Variants in SGCG observed in about 807,000 individuals in gnomAD.
The protein encoded by SGCG is gamma-sarcoglycan.
Under a neutral mutation model 29.3 loss-of-function variants are expected in SGCG, and 26 were observed. That is an observed-to-expected ratio of 0.89 (90% CI 0.65 to 1.23). The LOEUF (loss-of-function observed/expected upper bound fraction) is 1.23. Among genes scored for constraint, SGCG ranks in the 50% most tolerant of loss-of-function variants. SGCG has a pLI of 0.00. For synonymous variants in SGCG, 145 were observed against 129.7 expected, an observed-to-expected ratio of 1.12 and a Z score of -0.80; for missense variants, 353 against 356.0, an observed-to-expected ratio of 0.99 and a Z score of 0.07.
chr13:23,162,423 G>C, the SGCG span, among the ~76,000 whole-genome samples: 2 of 152,148 alleles, frequency 1.3e-5, no homozygotes, highest in African/African-American at 4.8e-5. Flanking sequence ...GACCATCCTG[G>C]CTCCTGGCTA....
At chr13:23,213,467 G>C (rs1197751085) in intron 2 of SGCG, among the ~76,000 whole-genome samples, 1 of 152,140 alleles carries the variant, frequency 6.6e-6, no homozygotes, top group Admixed American at 6.5e-5. Context: ...GGGTGACAGA[G>C]TGAGACTCCG....
rs753317637 is a variant in SGCG at position 23,216,264 on chromosome 13, G to A, written c.195+12375G>A. Reference sequence around the variant, plus strand: ...TACGGGTGTATCTATTTATGTCAGAGGAATTCAGGGGCCAATAGAACACTA... The same window carrying A: ...TACGGGTGTATCTATTTATGTCAGAAGAATTCAGGGGCCAATAGAACACTA... On this transcript the variant is annotated intron_variant, in intron 2 of 7. Transcript: ENST00000218867. Among the ~76,000 whole-genome samples, 4 of 152,190 alleles carry A rather than the reference G, an allele frequency of 2.6e-5. No homozygotes were observed. The South Asian group carries it at 8.3e-4, about 32-fold the overall frequency.
At chr13:23,277,989 C>T (rs564415351) in intron 4 of SGCG, among the ~76,000 whole-genome samples, 13 of 152,038 alleles carry the variant, frequency 8.6e-5, no homozygotes, top group African/African-American at 1.2e-4. Flanking sequence ...TGAGCCACCG[C>T]GCCCAGCCTA....
intron 6 of SGCG, among the ~76,000 whole-genome samples, chr13:23,295,712 C>T (rs903820739): frequency 3.9e-5 from 6 of 152,188 alleles, no homozygotes; most frequent in African/African-American, 1.4e-4. Flanking sequence ...CCTCCTCCTT[C>T]CTCCTCCTTC....
chr13:23,186,757 G>C (rs566773183), intron 1 of SGCG, among the ~76,000 whole-genome samples: 1 of 152,272 alleles, frequency 6.6e-6, no homozygotes, highest in East Asian at 1.9e-4. Context: ...AAGAACAGGG[G>C]ATCCCGGGCT....
chr13:23,291,882 A>C (rs1158246284), intron 5 of SGCG, among the ~76,000 whole-genome samples: 1 of 152,176 alleles, frequency 6.6e-6, no homozygotes, highest in African/African-American at 2.4e-5. Context: ...GGGGCTGGGG[A>C]AAAAGCACTC....
chr13:23,200,337 C>T (rs1320938694), intron 1 of SGCG, among the ~76,000 whole-genome samples: 1 of 142,524 alleles, frequency 7.0e-6, no homozygotes, highest in African/African-American at 2.5e-5. Context: ...GCAGGAGACT[C>T]ACTTGAAACC....
At chr13:23,197,296 G>A (rs3794363) in intron 1 of SGCG, among the ~76,000 whole-genome samples, 69,665 of 151,916 alleles carry the variant, frequency 0.46, 16,136 homozygotes, top group Admixed American at 0.51. Flanking sequence ...GACTTCTCAC[G>A]TGGGTTACCT....
intron 2 of SGCG, among the ~76,000 whole-genome samples, chr13:23,213,446 C>T (rs1406418893): frequency 1.3e-5 from 2 of 152,176 alleles, no homozygotes; most frequent in Non-Finnish European, 2.9e-5. Flanking sequence ...GGCTCCACAG[C>T]ACTCCAGCCT....
At chr13:23,292,736 G>C (rs1236089380) in intron 5 of SGCG, among the ~76,000 whole-genome samples, 1 of 152,064 alleles carries the variant, frequency 6.6e-6, no homozygotes, top group African/African-American at 2.4e-5. Flanking sequence ...TTATATCTTA[G>C]TTATGGAAAG....
intron 2 of SGCG, among the ~76,000 whole-genome samples, chr13:23,229,651 A>T (rs1279888894): frequency 2.6e-5 from 4 of 151,948 alleles, no homozygotes; most frequent in Admixed American, 2.6e-4. Context: ...CTTCATTTGT[A>T]TGTTTAAGTT....
the SGCG span, among the ~76,000 whole-genome samples, chr13:23,172,069 A>G: frequency 6.6e-6 from 1 of 152,164 alleles, no homozygotes; most frequent in African/African-American, 2.4e-5. Context: ...AGTCATCTCC[A>G]CTACCTCTTA....
chr13:23,178,788 G>C (rs889736513), upstream of SGCG, among the ~76,000 whole-genome samples: 13 of 152,116 alleles, frequency 8.5e-5, no homozygotes, highest in Admixed American at 1.3e-4. Context: ...GAAATTCCTT[G>C]TTTTCACTGG....
intron 4 of SGCG, among the ~76,000 whole-genome samples, chr13:23,254,178 A>G (rs1880089639): frequency 6.6e-6 from 1 of 152,186 alleles, no homozygotes; most frequent in East Asian, 1.9e-4. Flanking sequence ...TGGAGGGCTC[A>G]GACAGGAAGA....
intron 5 of SGCG, among the ~76,000 whole-genome samples, chr13:23,287,817 C>T (rs537351646): frequency 2.7e-4 from 41 of 152,110 alleles, no homozygotes; most frequent in African/African-American, 3.4e-4. Context: ...TGTAGTGGCA[C>T]GATCTCAGCT....
intron 6 of SGCG, among the ~76,000 whole-genome samples, chr13:23,311,628 A>C (rs1882602783): frequency 6.6e-6 from 1 of 152,216 alleles, no homozygotes. Flanking sequence ...TGAGGCTGAC[A>C]TGTGCTACTT....
rs1002015720 is a variant in SGCG, at chr13:23,189,308, C to T, written c.-1+8233C>T. ...TTTCTGGCCTCAGCCTCCTGAGTAG[C>T]TGGGACTATAGGTGCATGCCACCAC... On this transcript the variant is annotated intron_variant, in intron 1 of 7. Coordinates refer to ENST00000218867, the MANE Select transcript of SGCG (RefSeq NM_000231.3). 1.1e-4 allele frequency among the ~76,000 whole-genome samples: 17 copies of T among 152,278 alleles called. No homozygotes were observed. In the East Asian group the frequency reaches 2.9e-3, roughly 26 times the overall value.
At chr13:23,319,587 C>A (rs1882958466) in intron 6 of SGCG, among the ~76,000 whole-genome samples, 1 of 152,138 alleles carries the variant, frequency 6.6e-6, no homozygotes, top group African/African-American at 2.4e-5. Context: ...AATGTTCAGT[C>A]AATTTAAGTG....
chr13:23,218,967 C>G (rs777096893), intron 2 of SGCG, among the ~76,000 whole-genome samples: 4 of 147,228 alleles, frequency 2.7e-5, no homozygotes, highest in Non-Finnish European at 6.0e-5. Flanking sequence ...ATTTTCCCAC[C>G]ATAGAATTCT....
Sources: allele counts gnomAD v4.1 joint callset (sites outside exome capture counted in the v4.1 genomes callset), GRCh38; gene constraint gnomAD v4.1.1; transcripts MANE v1.5; gene names NCBI Gene and HGNC (gene_info 2026-07-23, HGNC 2026-07-21).